Variants in AMELY observed in about 807,000 individuals in gnomAD.
The protein encoded by AMELY is amelogenin Y-linked.
A neutral mutation model predicts 4.2 loss-of-function variants in AMELY; 4 were observed. The ratio of observed to expected loss-of-function variants is 0.96; its 90% CI spans 0.47 to 2.19. The LOEUF (loss-of-function observed/expected upper bound fraction) is 2.19. Among genes scored for constraint, AMELY ranks in the 30% most tolerant of loss-of-function variants. The pLI, the probability that AMELY is intolerant of heterozygous loss-of-function variation, is 0.02. For missense variants in AMELY, 32 were observed against 41.5 expected (o/e 0.77, Z 0.63); for synonymous variants, 11 against 14.7 (o/e 0.75, Z 0.57).
chrY:6,878,115 C>T (rs1012541035), intron 1 of AMELY, among the ~76,000 whole-genome samples: 9 of 32,620 alleles, frequency 2.8e-4, no homozygotes, highest in Non-Finnish European at 6.0e-4. Context: ...GAAAATATGA[C>T]ATCACCAAAG....
intron 1 of AMELY, among the ~76,000 whole-genome samples, chrY:6,876,149 A>T (rs2054071743): frequency 3.0e-5 from 1 of 33,087 alleles, no homozygotes. Flanking sequence ...CATATGGATA[A>T]CTCTGCTTGA....
At chrY:6,869,617 C>G (rs932658269) in intron 4 of AMELY, among the ~76,000 whole-genome samples, 1 of 33,457 alleles carries the variant, frequency 3.0e-5, no homozygotes, top group South Asian at 6.7e-4. Flanking sequence ...ACCAGGGTTC[C>G]AAAGAGAGGA....
At chrY:6,887,526 CT>C (rs2054080792) in intron 1 of AMELY, among the ~76,000 whole-genome samples, 1 of 31,923 alleles carries the variant, frequency 3.1e-5, no homozygotes, top group African/African-American at 1.2e-4. Context: ...GGGTGTTATT[CT>C]TTTTTTTTCT....
chrY:6,905,957 C>A (rs2011661891), intron 1 of AMELY, among the ~76,000 whole-genome samples: 3 of 33,126 alleles, frequency 9.1e-5, no homozygotes, highest in Non-Finnish European at 1.5e-4. Flanking sequence ...GGAACTCCCA[C>A]AATTCCCATG....
chrY:6,880,643 G>T, intron 1 of AMELY, among the ~76,000 whole-genome samples: 1 of 32,998 alleles, frequency 3.0e-5, no homozygotes, highest in African/African-American at 1.2e-4. Flanking sequence ...ATTAGGCTGT[G>T]ACTCCGTCTG....
intron 5 of AMELY, 100 bp downstream of exon 5, chrY:6,868,632 T>C: frequency 3.3e-6 from 1 of 306,130 alleles, no homozygotes; most frequent in African/African-American, 7.1e-5. Context: ...AAATTTCCCA[T>C]TAGTGTCTGT....
At chrY:6,896,358 C>A (rs2054086296) in intron 1 of AMELY, among the ~76,000 whole-genome samples, 1 of 33,472 alleles carries the variant, frequency 3.0e-5, no homozygotes, top group Non-Finnish European at 7.3e-5. Context: ...TTCTGTTTTG[C>A]GCTCGTCCTT....
chrY:6,875,844 G>A (rs2054071555), intron 1 of AMELY, among the ~76,000 whole-genome samples: 1 of 32,299 alleles, frequency 3.1e-5, no homozygotes, highest in Admixed American at 2.9e-4. Flanking sequence ...TTTTATTTAT[G>A]TTTATTGAAG....
intron 1 of AMELY, among the ~76,000 whole-genome samples, chrY:6,908,825 C>T: frequency 3.0e-5 from 1 of 33,490 alleles, no homozygotes; most frequent in African/African-American, 1.2e-4. Flanking sequence ...GGAGTTCTGT[C>T]TTCCTGCCTT....
intron 2 of AMELY, among the ~76,000 whole-genome samples, chrY:6,872,989 G>A: frequency 2.4e-4 from 8 of 32,844 alleles, no homozygotes; most frequent in Admixed American, 2.2e-3. Flanking sequence ...TCAAGAGCCC[G>A]TCAAGGTAGG....
At chrY:6,874,231 C>T in intron 1 of AMELY, among the ~76,000 whole-genome samples, 160 bp from the exon 2 acceptor site, 1 of 33,450 alleles carries the variant, frequency 3.0e-5, no homozygotes. Context: ...GTTTAACAGG[C>T]AAAAGGAACT....
intron 3 of AMELY, among the ~76,000 whole-genome samples, chrY:6,871,380 A>G (rs759787231): frequency 3.9e-4 from 13 of 32,970 alleles, no homozygotes; most frequent in African/African-American, 1.5e-3. Flanking sequence ...ATACATCACT[A>G]TATATTGGGT....
In AMELY at chrY:6,904,048, C is replaced by T. The variant is rs780498495; in HGVS notation, c.-113+7625G>A. Among the ~76,000 whole-genome samples the T allele has an allele frequency of 8.9e-5, 3 of 33,578 alleles. No homozygotes were observed. The South Asian group carries it at 2.1e-3, about 24-fold the overall frequency. The allele number at this position is 33,578 out of a possible 37,273, so 90.1% of individuals were successfully genotyped here. A position where few individuals can be genotyped will look rare whatever the true frequency, so the allele number is the denominator to read the frequency against. On this transcript the variant is annotated intron_variant, in intron 1 of 6. Coordinates refer to ENST00000651267, the MANE Select transcript of AMELY (RefSeq NM_001143.2). ...CTGAGCCCCTGCATAACCTCCATACCTGCCACCATGGTCACTTTGTTCATG... is the reference window on the plus strand; with the variant it reads ...CTGAGCCCCTGCATAACCTCCATACTTGCCACCATGGTCACTTTGTTCATG...
intron 1 of AMELY, among the ~76,000 whole-genome samples, chrY:6,887,862 T>C: frequency 3.0e-5 from 1 of 33,862 alleles, no homozygotes; most frequent in African/African-American, 1.2e-4. Context: ...TAGTATTTCA[T>C]GGTATATACG....
rs771123952 is a variant in AMELY at position 6,901,970 on chromosome Y, C to T, written c.-113+9703G>A. On this transcript the variant is annotated intron_variant, in intron 1 of 6. Transcript: ENST00000651267. ...ACACCCAGGATCAATAATTTGTATCCTTCAATCCAGTCAAGTTGACACTCA... is the reference window on the plus strand; with the variant it reads ...ACACCCAGGATCAATAATTTGTATCTTTCAATCCAGTCAAGTTGACACTCA... 2.4e-4 allele frequency among the ~76,000 whole-genome samples: 8 copies of T among 33,162 alleles called. No homozygotes were observed. The East Asian group carries it at 6.4e-3, about 27-fold the overall frequency. The allele number at this position is 33,162 out of a possible 37,273, so 89.0% of individuals were successfully genotyped here. A position where few individuals can be genotyped will look rare whatever the true frequency, so the allele number is the denominator to read the frequency against.
At chrY:6,869,573 A>G (rs113396587) in intron 4 of AMELY, among the ~76,000 whole-genome samples, 10 of 33,902 alleles carry the variant, frequency 2.9e-4, no homozygotes, top group African/African-American at 6.9e-4. Context: ...TGAAATGTGA[A>G]TATTACAGTA....
intron 1 of AMELY, among the ~76,000 whole-genome samples, chrY:6,892,872 T>C (rs1043968748): frequency 3.0e-5 from 1 of 33,554 alleles, no homozygotes. Context: ...AACGCATGAA[T>C]CACACCCTAA....
intron 1 of AMELY, among the ~76,000 whole-genome samples, chrY:6,890,924 A>T: frequency 3.0e-5 from 1 of 32,968 alleles, no homozygotes; most frequent in Non-Finnish European, 7.4e-5. Context: ...CAAACTCCTC[A>T]TGTGAGAAGA....
chrY:6,910,249 A>G (rs2011680940), intron 1 of AMELY, among the ~76,000 whole-genome samples: 1 of 32,617 alleles, frequency 3.1e-5, no homozygotes, highest in African/African-American at 1.2e-4. Context: ...GAGATGGGAA[A>G]TGACAACTGG....
Sources: gnomAD v4.1 joint callset for allele counts (sites outside exome capture counted in the v4.1 genomes callset) on GRCh38, gnomAD v4.1.1 for gene constraint, MANE v1.5 for transcripts, NCBI Gene and HGNC (gene_info 2026-07-23, HGNC 2026-07-21) for gene names.